The following IL12RB2 variants were observed in gnomAD, a reference collection of about 807,000 sequenced individuals.
IL12RB2 encodes interleukin-12 receptor subunit beta-2.
Under a neutral mutation model 89.4 loss-of-function variants are expected in IL12RB2, and 82 were observed. The ratio of observed to expected loss-of-function variants is 0.92; its 90% confidence interval spans 0.77 to 1.10. The LOEUF (loss-of-function observed/expected upper bound fraction) is 1.10, where lower values mean the gene tolerates loss of function less well. Ranked by LOEUF, IL12RB2 falls within the 50% of genes least tolerant of loss-of-function variation. The pLI is 0.00. For synonymous variants in IL12RB2, 368 were observed against 370.1 expected, an observed-to-expected ratio of 0.99 and a Z score of 0.07; for missense variants, 963 against 1,031.9, an observed-to-expected ratio of 0.93 and a Z score of 0.92.
intron 13 of IL12RB2, among the ~76,000 whole-genome samples, chr1:67,374,339 C>A (rs1663706447): frequency 6.6e-6 from 1 of 152,196 alleles, no homozygotes; most frequent in Non-Finnish European, 1.5e-5. Context: ...CTGAAATGCA[C>A]CCCAAGAGGT....
At chr1:67,359,352 A>T (rs1266478673) in intron 10 of IL12RB2, among the ~76,000 whole-genome samples, 1 of 152,178 alleles carries the variant, frequency 6.6e-6, no homozygotes, top group Admixed American at 6.5e-5. Context: ...GCACAAGAAA[A>T]GTTATTGCCT....
At chr1:67,339,874 T>C (rs1420803371) in intron 9 of IL12RB2, among the ~76,000 whole-genome samples, 2 of 152,336 alleles carry the variant, frequency 1.3e-5, no homozygotes, top group East Asian at 3.9e-4. Flanking sequence ...AGGAAAATGC[T>C]GTGCGATTCG....
chr1:67,334,617 T>G (rs917996832), intron 8 of IL12RB2, among the ~76,000 whole-genome samples: 1 of 110,648 alleles, frequency 9.0e-6, no homozygotes, highest in African/African-American at 2.6e-5. Context: ...TAGCTGGGAC[T>G]ACAGGCACCC....
In IL12RB2 at chr1:67,397,213, A is replaced by G. The variant is rs368715974; in HGVS notation, c.*1124A>G. The stretch of plus-strand genomic sequence containing the variant: ...TTTTGGCTTCATCCTCTTTCAGCAA[A>G]TCAAGGGCAGCTGGATGGTGAAGAC... On this transcript the variant is annotated 3_prime_UTR_variant, in exon 17 of 17. Transcript: ENST00000674203. Among the ~76,000 whole-genome samples the G allele has an allele frequency of 1.2e-4, 19 of 152,224 alleles. No individual in the cohort carries two copies. The highest frequency in any genetic ancestry group is 4.3e-4 in the African/African-American group (18 of 41,530).
intron 8 of IL12RB2, among the ~76,000 whole-genome samples, chr1:67,338,190 G>A (rs1489525865): frequency 4.0e-5 from 6 of 151,388 alleles, no homozygotes; most frequent in Non-Finnish European, 4.4e-5. Context: ...TTAGCCAGGC[G>A]TGGTGGTACG....
chr1:67,351,810 T>G (rs1318525791), intron 10 of IL12RB2, among the ~76,000 whole-genome samples: 1 of 152,202 alleles, frequency 6.6e-6, no homozygotes, highest in Admixed American at 6.5e-5. Context: ...TCATATCCTC[T>G]GAAAATTAAC....
intron 2 of IL12RB2, among the ~76,000 whole-genome samples, chr1:67,316,720 G>C (rs890586954): frequency 2.6e-5 from 4 of 152,098 alleles, no homozygotes; most frequent in Non-Finnish European, 5.9e-5. Flanking sequence ...TCCAGGCTGT[G>C]CATTCACCAT....
chr1:67,330,810 G>A lies in IL12RB2; in HGVS notation c.958G>A (p.Glu320Lys). 1.3e-6 allele frequency: 2 copies of A among 1,527,646 alleles called. No individual in the cohort carries two copies. The highest frequency in any genetic ancestry group is 1.8e-6 in the Non-Finnish European group (2 of 1,101,592). 94.6% of individuals were successfully genotyped at this position (1,527,646 alleles called of 1,614,324 possible). A position where few individuals can be genotyped will look rare whatever the true frequency, so the allele number is the denominator to read the frequency against. ...ATTGAGAGCACAAACACCAGAAGAA[G>A]GTATATGTCCAAAATATACATACCT... ...ESLRAQTPEE[E>K]PTGMLDVWYM... The change falls in exon 8 of 17, where the codon GAG (glutamate) becomes AAG (lysine). Residue 320 changes from glutamate (E) to lysine (K), a missense_variant and splice_region_variant. Glu to Lys is a moderately conservative substitution (Grantham distance 56, BLOSUM62 1). Transcript: ENST00000674203.
intron 2 of IL12RB2, among the ~76,000 whole-genome samples, chr1:67,318,903 C>A (rs1656134426): frequency 6.6e-6 from 1 of 151,838 alleles, no homozygotes; most frequent in Non-Finnish European, 1.5e-5. Flanking sequence ...AAAAAAAATA[C>A]CTTGAGTGAG....
rs568546131 is a variant in IL12RB2, at chr1:67,325,723, A to C, written c.365-1012A>C. 6.9e-4 allele frequency among the ~76,000 whole-genome samples: 105 copies of C among 152,220 alleles called. No individual in the cohort carries two copies. The South Asian group carries it at 7.9e-3, about 11-fold the overall frequency. On this transcript the variant is annotated intron_variant, in intron 4 of 16. Transcript: ENST00000674203. The stretch of plus-strand genomic sequence containing the variant: ...TCTATGGTGGATGCTAAGGACAAAA[A>C]AGATATTTATTTAATCAATAACAGA...
chr1:67,353,116 A>T (rs1224963955), intron 10 of IL12RB2, among the ~76,000 whole-genome samples: 1 of 152,252 alleles, frequency 6.6e-6, no homozygotes, highest in African/African-American at 2.4e-5. Context: ...GTATAATAGT[A>T]AAGAATGGAC....
At chr1:67,359,567 C>T (rs1322008567) in intron 10 of IL12RB2, among the ~76,000 whole-genome samples, 1 of 152,028 alleles carries the variant, frequency 6.6e-6, no homozygotes, top group Non-Finnish European at 1.5e-5. Context: ...ACTAAATATA[C>T]AAAAATTAGC....
chr1:67,308,132 T>G (rs2100466241), intron 1 of IL12RB2, among the ~76,000 whole-genome samples, 165 bp downstream of exon 1: 1 of 152,076 alleles, frequency 6.6e-6, no homozygotes, highest in African/African-American at 2.4e-5. Flanking sequence ...TTTAAAGTCT[T>G]CCAATACGAT....
In IL12RB2 at chr1:67,395,907, T is replaced by G; in HGVS notation, c.2407T>G (p.Ser803Ala). ...DLPTHDGYLP[S>A]NIDDLPSHEA... ...TCCCACCCATGATGGCTACTTACCC[T>G]CCAACATAGATGACCTCCCCTCACA... Residue 803 changes from serine (S) to alanine (A), a missense_variant, in exon 17 of 17, where the codon TCC (serine) becomes GCC (alanine). Coordinates refer to ENST00000674203, the MANE Select transcript of IL12RB2 (RefSeq NM_001374259.2). 1 of 1,610,960 alleles carries G rather than the reference T, an allele frequency of 6.2e-7. No individual in the cohort carries two copies. Among genetic ancestry groups the G allele is most frequent in the South Asian group, 1.1e-5 (1 of 91,006 alleles).
At chr1:67,344,839 C>G (rs189065782) in intron 9 of IL12RB2, among the ~76,000 whole-genome samples, 97 of 152,234 alleles carry the variant, frequency 6.4e-4, no homozygotes, top group East Asian at 1.2e-3. Context: ...GGGCTCCCTC[C>G]CATATTCAAC....
At chr1:67,338,078 C>T (rs6688222) in intron 8 of IL12RB2, among the ~76,000 whole-genome samples, 72,315 of 151,258 alleles carry the variant, frequency 0.48, 19,973 homozygotes, top group Non-Finnish European at 0.6. Flanking sequence ...TATGTAATCC[C>T]GGCACTTTGG....
At chr1:67,366,164 A>C (rs1662640908) in intron 10 of IL12RB2, among the ~76,000 whole-genome samples, 1 of 152,158 alleles carries the variant, frequency 6.6e-6, no homozygotes, top group Non-Finnish European at 1.5e-5. Context: ...AAGAAATCAG[A>C]AAAATGGCCG....
At chr1:67,374,336 G>A (rs1450353494) in intron 13 of IL12RB2, among the ~76,000 whole-genome samples, 1 of 152,184 alleles carries the variant, frequency 6.6e-6, no homozygotes, top group Non-Finnish European at 1.5e-5. Flanking sequence ...GTTCTGAAAT[G>A]CACCCCAAGA....
At chr1:67,383,138 G>A (rs1664780525) in intron 14 of IL12RB2, among the ~76,000 whole-genome samples, 1 of 152,176 alleles carries the variant, frequency 6.6e-6, no homozygotes, top group African/African-American at 2.4e-5. Flanking sequence ...TGGCAGAAGG[G>A]AAAGCAAACA....
Sources: allele counts gnomAD v4.1 joint callset (sites outside exome capture counted in the v4.1 genomes callset), GRCh38; gene constraint gnomAD v4.1.1; transcripts MANE v1.5; gene names NCBI Gene and HGNC (gene_info 2026-07-23, HGNC 2026-07-21).